The following CNTN1 variants were observed in gnomAD, a reference collection of about 807,000 sequenced individuals.
The protein encoded by CNTN1 is contactin-1.
A neutral mutation model predicts 126.4 loss-of-function variants in CNTN1; 38 were observed. The ratio of observed to expected loss-of-function variants is 0.30; its 90% CI spans 0.23 to 0.39. The LOEUF (loss-of-function observed/expected upper bound fraction) is 0.39. CNTN1 is among the 10% of genes least tolerant of loss of function. The pLI is 1.00. For missense variants in CNTN1, 1,009 were observed against 1,248.4 expected, an observed-to-expected ratio of 0.81 and a Z score of 2.89; for synonymous variants, 413 against 422.6, an observed-to-expected ratio of 0.98 and a Z score of 0.28.
chr12:41,023,376 A>G (rs180845839), intron 20 of CNTN1, among the ~76,000 whole-genome samples: 2 of 152,320 alleles, frequency 1.3e-5, no homozygotes, highest in East Asian at 3.9e-4. Context: ...TGTTTATGTC[A>G]CTTAGTATTT....
At chr12:40,725,660 A>G (rs762790283) in intron 1 of CNTN1, among the ~76,000 whole-genome samples, 5 of 152,120 alleles carry the variant, frequency 3.3e-5, no homozygotes, top group Non-Finnish European at 5.9e-5. Context: ...ACAAGTGCCA[A>G]TTAGCAAACA....
intron 1 of CNTN1, among the ~76,000 whole-genome samples, chr12:40,891,828 T>C (rs11178929): frequency 0.19 from 29,550 of 152,036 alleles, 5,029 homozygotes; most frequent in African/African-American, 0.47. Context: ...GGTTGGACAG[T>C]GTCCGTCCTC....
At chr12:40,792,213 G>A (rs986963136) in intron 1 of CNTN1, among the ~76,000 whole-genome samples, 1 of 151,948 alleles carries the variant, frequency 6.6e-6, no homozygotes, top group Non-Finnish European at 1.5e-5. Context: ...GGAGAAATGG[G>A]ACCCAGCAGC....
At chr12:40,787,373 T>C (rs1018588270) in intron 1 of CNTN1, among the ~76,000 whole-genome samples, 1 of 152,190 alleles carries the variant, frequency 6.6e-6, no homozygotes, top group African/African-American at 2.4e-5. Flanking sequence ...GGGAAAAGTG[T>C]TACAGCACAG....
chr12:40,811,091 G>A (rs775207871), intron 1 of CNTN1, among the ~76,000 whole-genome samples: 1 of 152,164 alleles, frequency 6.6e-6, no homozygotes, highest in Non-Finnish European at 1.5e-5. Context: ...TGGACACTTA[G>A]GTTGTGTTCA....
At chr12:40,975,386 C>T (rs908361722) in intron 15 of CNTN1, among the ~76,000 whole-genome samples, 1 of 151,680 alleles carries the variant, frequency 6.6e-6, no homozygotes, top group Non-Finnish European at 1.5e-5. Context: ...CCATGAATGA[C>T]AGAATGACAG....
At chr12:40,850,388 A>T (rs1411032793) in intron 1 of CNTN1, among the ~76,000 whole-genome samples, 2 of 152,118 alleles carry the variant, frequency 1.3e-5, no homozygotes, top group Admixed American at 1.3e-4. Flanking sequence ...TTCAGCCATT[A>T]TGTTAGATGC....
At chr12:41,020,471 T>G (rs1379256153) in intron 20 of CNTN1, 31 bp downstream of exon 20, 3 of 1,352,696 alleles carry the variant, frequency 2.2e-6, no homozygotes, top group Middle Eastern at 2.0e-4. Flanking sequence ...ACTAAATACA[T>G]TTATTCATAA....
intron 15 of CNTN1, among the ~76,000 whole-genome samples, chr12:40,976,850 A>G (rs1947689036): frequency 6.6e-6 from 1 of 152,152 alleles, no homozygotes; most frequent in African/African-American, 2.4e-5. Flanking sequence ...CCACAAACTG[A>G]TTCCTTAATA....
rs1330305748 is a variant in CNTN1, at chr12:40,908,359, G to A, written c.-74G>A. 3 of 1,094,240 alleles carry A rather than the reference G, an allele frequency of 2.7e-6. No individual in the cohort carries two copies. The African/African-American group carries it at 4.7e-5, about 17-fold the overall frequency. 67.8% of individuals were successfully genotyped at this position (1,094,240 alleles called of 1,614,324 possible). On this transcript the variant is annotated splice_region_variant and 5_prime_UTR_variant, in exon 2 of 24. Coordinates refer to ENST00000551295, the MANE Select transcript of CNTN1 (RefSeq NM_001843.4). Reference sequence around the variant, plus strand: ...TCTTCTTTTCTTTCTTGATGCAGGTGTTTAAAATTATCCAACTGCCATAGA... The same window carrying A: ...TCTTCTTTTCTTTCTTGATGCAGGTATTTAAAATTATCCAACTGCCATAGA...
chr12:40,711,768 G>A (rs1276048970), intron 1 of CNTN1, among the ~76,000 whole-genome samples: 1 of 151,940 alleles, frequency 6.6e-6, no homozygotes, highest in Non-Finnish European at 1.5e-5. Context: ...CTGGAGTGCA[G>A]TGGTATAATT....
At chr12:40,703,617 A>C (rs1246393284) in intron 1 of CNTN1, among the ~76,000 whole-genome samples, 1 of 152,284 alleles carries the variant, frequency 6.6e-6, no homozygotes, top group East Asian at 1.9e-4. Context: ...CCTGTTTCTC[A>C]CTGACCTATT....
At chr12:40,696,753 C>G (rs1941461458) in intron 1 of CNTN1, among the ~76,000 whole-genome samples, 1 of 152,040 alleles carries the variant, frequency 6.6e-6, no homozygotes, top group Non-Finnish European at 1.5e-5. Flanking sequence ...ATTTAATATT[C>G]AATTGAAAAT....
intron 1 of CNTN1, among the ~76,000 whole-genome samples, chr12:40,782,027 ATT>A (rs1476158014): frequency 6.6e-6 from 1 of 151,938 alleles, no homozygotes; most frequent in African/African-American, 2.4e-5. Flanking sequence ...TCTGAATATA[ATT>A]TTGTCTTGTC....
intron 1 of CNTN1, among the ~76,000 whole-genome samples, chr12:40,819,080 G>A (rs1186458594): frequency 6.6e-6 from 1 of 152,062 alleles, no homozygotes; most frequent in Non-Finnish European, 1.5e-5. Flanking sequence ...CTCTGCCCTT[G>A]AGGGGGACTA....
intron 1 of CNTN1, among the ~76,000 whole-genome samples, chr12:40,801,033 A>G (rs1250234861): frequency 1.6e-5 from 2 of 128,966 alleles, no homozygotes; most frequent in Non-Finnish European, 3.2e-5. Flanking sequence ...TTTTTTTAAG[A>G]TAGATTTGAC....
chr12:40,958,971 A>G, intron 14 of CNTN1, 143 bp from the exon 15 acceptor site: 1 of 900,260 alleles, frequency 1.1e-6, no homozygotes, highest in Non-Finnish European at 1.8e-6. Context: ...AGCCTAGAGC[A>G]AGGACATAGA....
At chr12:40,705,214 C>T (rs1941707866) in intron 1 of CNTN1, among the ~76,000 whole-genome samples, 1 of 152,166 alleles carries the variant, frequency 6.6e-6, no homozygotes, top group Admixed American at 6.5e-5. Context: ...TTATTTGTTT[C>T]ATTAGGGAAT....
At chr12:40,813,061 T>TTCTTTCTTTCTTTCTTTCTTTCTC (rs1941138114) in intron 1 of CNTN1, among the ~76,000 whole-genome samples, 1 of 117,336 alleles carries the variant, frequency 8.5e-6, no homozygotes, top group Admixed American at 8.6e-5. Flanking sequence ...CTTTCTTTCT[T>TTCTTTCTTTCTTTCTTTCTTTCTC]CCTTCCTTCC....
Sources: allele counts gnomAD v4.1 joint callset (sites outside exome capture counted in the v4.1 genomes callset), GRCh38; gene constraint gnomAD v4.1.1; transcripts MANE v1.5; gene names NCBI Gene and HGNC (gene_info 2026-07-23, HGNC 2026-07-21).